Variants in CSGALNACT1 observed in about 807,000 individuals in gnomAD.
CSGALNACT1 encodes the protein chondroitin sulfate N-acetylgalactosaminyltransferase 1.
In CSGALNACT1, 52 loss-of-function variants were observed where a neutral mutation model predicts 51.0. The observed-to-expected ratio is 1.02, with a 90% confidence interval of 0.82 to 1.29. The LOEUF is 1.29. Ranked by LOEUF, CSGALNACT1 falls within the 50% of genes most tolerant of loss-of-function variation. The probability of loss-of-function intolerance (pLI) is 0.00; values close to 1 mark genes in which losing one functional copy is unlikely to be tolerated. For missense variants in CSGALNACT1, 935 were observed against 679.2 expected, an observed-to-expected ratio of 1.38 and a Z score of -4.19; for synonymous variants, 341 against 254.4, an observed-to-expected ratio of 1.34 and a Z score of -3.24.
chr8:19,649,486 C>T (rs2057582246), intron 1 of CSGALNACT1, among the ~76,000 whole-genome samples: 1 of 152,014 alleles, frequency 6.6e-6, no homozygotes, highest in South Asian at 2.1e-4. Flanking sequence ...ATGAATGCTG[C>T]TGTATATCAT....
chr8:19,754,895 G>C (rs186629542), intron 1 of CSGALNACT1, among the ~76,000 whole-genome samples: 1 of 152,092 alleles, frequency 6.6e-6, no homozygotes, highest in Admixed American at 6.5e-5. Flanking sequence ...AAAATCAATA[G>C]GTAATAAAGT....
chr8:19,429,175 G>T (rs2059277316), intron 6 of CSGALNACT1, among the ~76,000 whole-genome samples: 3 of 151,544 alleles, frequency 2.0e-5, no homozygotes, highest in Non-Finnish European at 4.4e-5. Flanking sequence ...AACCTTTTTT[G>T]TTGTTGTTGT....
intron 4 of CSGALNACT1, among the ~76,000 whole-genome samples, chr8:19,493,980 A>G (rs2074959953): frequency 6.6e-6 from 1 of 151,914 alleles, no homozygotes; most frequent in Non-Finnish European, 1.5e-5. Context: ...CTATTTTCCA[A>G]ACCTGCCTCC....
exon 5 of CSGALNACT1, chr8:19,458,625 T>C (rs1563509235): frequency 2.5e-6 from 4 of 1,614,010 alleles, no homozygotes; most frequent in Non-Finnish European, 3.4e-6. Flanking sequence ...CCTTTGTCCC[T>C]TTCTGTTCGG....
chr8:19,500,322 C>A (rs1365932998), intron 4 of CSGALNACT1, among the ~76,000 whole-genome samples: 1 of 152,138 alleles, frequency 6.6e-6, no homozygotes, highest in Non-Finnish European at 1.5e-5. Context: ...TCCCACTACA[C>A]CCCAAGTACA....
chr8:19,551,702 C>G (rs895185943), intron 3 of CSGALNACT1, among the ~76,000 whole-genome samples: 3 of 152,106 alleles, frequency 2.0e-5, no homozygotes, highest in African/African-American at 7.2e-5. Flanking sequence ...TTTCGGTACT[C>G]TCCCTTCTGC....
At chr8:19,506,495 C>T (rs17128525) in intron 3 of CSGALNACT1, among the ~76,000 whole-genome samples, 63,262 of 152,110 alleles carry the variant, frequency 0.42, 13,847 homozygotes, top group African/African-American at 0.55. Flanking sequence ...GTTAATGACA[C>T]TGGAGTTGCT....
At chr8:19,626,614 T>C (rs778216530) in intron 1 of CSGALNACT1, among the ~76,000 whole-genome samples, 1 of 152,252 alleles carries the variant, frequency 6.6e-6, no homozygotes, top group Non-Finnish European at 1.5e-5. Flanking sequence ...TTCCACAAAG[T>C]ATCTTGGGAA....
At chr8:19,597,285 C>CTTTTTTTTTTTTTTTTTTTTTT (rs35177349) in intron 2 of CSGALNACT1, among the ~76,000 whole-genome samples, 16 of 64,564 alleles carry the variant, frequency 2.5e-4, no homozygotes, top group African/African-American at 1.1e-3. Context: ...TATCTTCTTT[C>CTTTTTTTTTTTTTTTTTTTTTT]TTTTTTTTTT....
upstream of CSGALNACT1, among the ~76,000 whole-genome samples, chr8:19,684,801 C>T (rs548014529): frequency 3.3e-5 from 5 of 152,290 alleles, no homozygotes; most frequent in Middle Eastern, 3.4e-3. Context: ...AAAAAAAGAA[C>T]GTGAATCTCC....
chr8:19,496,148 G>A (rs1338196937), intron 4 of CSGALNACT1, among the ~76,000 whole-genome samples: 1 of 152,070 alleles, frequency 6.6e-6, no homozygotes, highest in Non-Finnish European at 1.5e-5. Context: ...AGATAATATG[G>A]CATTTGGGAG....
intron 1 of CSGALNACT1, among the ~76,000 whole-genome samples, chr8:19,705,155 G>A (rs1435052064): frequency 2.0e-5 from 3 of 152,130 alleles, no homozygotes; most frequent in Non-Finnish European, 4.4e-5. Flanking sequence ...ATATACCAAA[G>A]CATCACATTG....
intron 1 of CSGALNACT1, among the ~76,000 whole-genome samples, chr8:19,736,280 A>G (rs2063965968): frequency 6.6e-6 from 1 of 152,196 alleles, no homozygotes; most frequent in Non-Finnish European, 1.5e-5. Flanking sequence ...CTTGTAGTCT[A>G]TGGCTGCTTT....
chr8:19,531,525 G>C (rs2082760148), intron 3 of CSGALNACT1, among the ~76,000 whole-genome samples: 1 of 152,124 alleles, frequency 6.6e-6, no homozygotes, highest in South Asian at 2.1e-4. Context: ...GCATCTCCAA[G>C]TCCTGTTTCT....
intron 3 of CSGALNACT1, among the ~76,000 whole-genome samples, chr8:19,575,287 G>T (rs1225137083): frequency 6.6e-6 from 1 of 152,066 alleles, no homozygotes; most frequent in East Asian, 1.9e-4. Context: ...TTTCCTCCTG[G>T]GAAGTTAGCA....
At chr8:19,523,460 T>C (rs2081106819) in intron 3 of CSGALNACT1, among the ~76,000 whole-genome samples, 1 of 151,794 alleles carries the variant, frequency 6.6e-6, no homozygotes, top group Non-Finnish European at 1.5e-5. Flanking sequence ...TGTGGAGACG[T>C]AGTCTTGCAA....
intron 1 of CSGALNACT1, among the ~76,000 whole-genome samples, chr8:19,740,888 CAT>C (rs552732672): frequency 2.0e-3 from 301 of 152,254 alleles, no homozygotes; most frequent in African/African-American, 5.7e-3. Context: ...AATGGATGCA[CAT>C]GTTACATACC....
At chr8:19,730,587 C>A (rs2063637410) in intron 1 of CSGALNACT1, among the ~76,000 whole-genome samples, 1 of 152,100 alleles carries the variant, frequency 6.6e-6, no homozygotes, top group Non-Finnish European at 1.5e-5. Flanking sequence ...ATAACTAGGC[C>A]ATCATTCTCA....
In CSGALNACT1 at chr8:19,540,971, C is replaced by T. The variant is rs572301311; in HGVS notation, c.-296-34841G>A. Among the ~76,000 whole-genome samples, 45 of 152,308 alleles carry T rather than the reference C, an allele frequency of 3.0e-4. 1 individual carries two copies. The highest frequency in any genetic ancestry group is 3.4e-3 in the Middle Eastern group (1 of 294). On this transcript the variant is annotated intron_variant, in intron 3 of 9. Coordinates refer to ENST00000454498, the Ensembl canonical transcript of CSGALNACT1. Reference sequence around the variant, plus strand: ...CACTCTCCAAGCCCCTACCCTGTCCCCAGACTGTAGGTCATTTAAAGAAAG... The same window carrying T: ...CACTCTCCAAGCCCCTACCCTGTCCTCAGACTGTAGGTCATTTAAAGAAAG...
Sources: gnomAD v4.1 joint callset for allele counts (sites outside exome capture counted in the v4.1 genomes callset) on GRCh38, gnomAD v4.1.1 for gene constraint, MANE v1.5 for transcripts, NCBI Gene and HGNC (gene_info 2026-07-23, HGNC 2026-07-21) for gene names.